Variants in OCA2 observed in about 807,000 individuals in gnomAD.
OCA2 encodes the protein P protein.
A neutral mutation model predicts 100.2 loss-of-function variants in OCA2; 77 were observed. The observed-to-expected ratio is 0.77, with a 90% CI of 0.64 to 0.93. The LOEUF (loss-of-function observed/expected upper bound fraction) is 0.93, where lower values mean the gene tolerates loss of function less well. Ranked by LOEUF, OCA2 falls within the 40% of genes least tolerant of loss-of-function variation. The pLI is 0.00. For synonymous variants in OCA2, 432 were observed against 439.2 expected (o/e 0.98, Z 0.21); for missense variants, 1,062 against 1,089.1 (o/e 0.98, Z 0.35).
At chr15:27,925,971 G>A (rs1032250665) in intron 19 of OCA2, among the ~76,000 whole-genome samples, 156 bp downstream of exon 19, 1 of 152,126 alleles carries the variant, frequency 6.6e-6, no homozygotes, top group African/African-American at 2.4e-5. Context: ...AGGTAAAGCT[G>A]GTTAACTTAA....
chr15:27,913,908 C>A (rs1272430017), intron 19 of OCA2, among the ~76,000 whole-genome samples: 20,256 of 53,830 alleles, frequency 0.38, 4,594 homozygotes, highest in Middle Eastern at 0.57. Context: ...AGCAAGCAAG[C>A]AAGCAAGCAA....
intron 1 of OCA2, among the ~76,000 whole-genome samples, chr15:28,097,593 A>C (rs1566890490): frequency 6.6e-6 from 1 of 152,080 alleles, no homozygotes; most frequent in Admixed American, 6.6e-5. Flanking sequence ...TACTCTCCCA[A>C]GAAACCTCAT....
intron 2 of OCA2, among the ~76,000 whole-genome samples, chr15:28,065,006 T>G (rs902711805): frequency 6.6e-6 from 1 of 152,192 alleles, no homozygotes; most frequent in African/African-American, 2.4e-5. Context: ...TTTTCATGTC[T>G]GTTTCCTAAC....
intron 2 of OCA2, among the ~76,000 whole-genome samples, chr15:28,074,709 C>T (rs542304057): frequency 2.9e-4 from 42 of 144,422 alleles, no homozygotes; most frequent in Non-Finnish European, 5.8e-4. Flanking sequence ...TAGCTGGGTG[C>T]AGTGGTGGGC....
At chr15:27,744,935 C>T in the OCA2 span, among the ~76,000 whole-genome samples, 1 of 120,564 alleles carries the variant, frequency 8.3e-6, no homozygotes, top group Non-Finnish European at 2.0e-5. Context: ...CAGAGCAGAC[C>T]CTTTGTAGCA....
chr15:27,796,782 G>C (rs1033041223), intron 23 of OCA2, among the ~76,000 whole-genome samples: 1 of 152,142 alleles, frequency 6.6e-6, no homozygotes, highest in South Asian at 2.1e-4. Flanking sequence ...AAAACTATAC[G>C]GAAAAATCTG....
rs374207135 is a variant in OCA2, at chr15:27,871,122, T to C, written c.2244+32A>G. Reference sequence around the variant, plus strand: ...GCCCCAGGCTATGTCCAGGCTAAAGTTGAGCCGTCGACATGGACATGTGCA... The same window carrying C: ...GCCCCAGGCTATGTCCAGGCTAAAGCTGAGCCGTCGACATGGACATGTGCA... On this transcript the variant is annotated intron_variant, in intron 21 of 23. Transcript: ENST00000354638. The C allele has an allele frequency of 1.7e-4, 261 of 1,525,222 alleles. 1 individual carries two copies. The South Asian group carries it at 2.2e-3, about 13-fold the overall frequency. The allele number at this position is 1,525,222 out of a possible 1,614,324, so 94.5% of individuals were successfully genotyped here. A position where few individuals can be genotyped will look rare whatever the true frequency, so the allele number is the denominator to read the frequency against.
At position 28,074,673 on chromosome 15, in the gene OCA2, C is replaced by CAAAAA. The variant is rs1172821817; in HGVS notation, c.227+6970_227+6974dup. ...TGGGCAACAGAGCGAGACTCCGTCT[C>CAAAAA]AAAAAAAAAAAAAAAAAAAAAAAAT... On this transcript the variant is annotated intron_variant, in intron 2 of 23. Transcript: ENST00000354638. Among the ~76,000 whole-genome samples, 68 of 66,932 alleles carry CAAAAA rather than the reference C, an allele frequency of 1.0e-3. 1 individual carries two copies. Among genetic ancestry groups the CAAAAA allele is most frequent in the Non-Finnish European group, 2.1e-3 (58 of 28,106 alleles). 43.9% of individuals were successfully genotyped at this position (66,932 alleles called of 152,430 possible).
intron 2 of OCA2, among the ~76,000 whole-genome samples, chr15:28,035,342 A>G (rs2043017510): frequency 6.6e-6 from 1 of 152,200 alleles, no homozygotes; most frequent in East Asian, 1.9e-4. Flanking sequence ...GGCCATTCCA[A>G]TTTAAACTTA....
chr15:27,962,835 T>C (rs2040449393), intron 15 of OCA2, among the ~76,000 whole-genome samples: 1 of 152,160 alleles, frequency 6.6e-6, no homozygotes, highest in Non-Finnish European at 1.5e-5. Flanking sequence ...ATATAAATGG[T>C]TTAAGAGACA....
chr15:27,832,521 C>A (rs1039355931), intron 23 of OCA2, among the ~76,000 whole-genome samples: 3 of 152,200 alleles, frequency 2.0e-5, no homozygotes, highest in African/African-American at 7.2e-5. Context: ...CTGGCTGTTT[C>A]TCCTCCTTGG....
At chr15:28,003,271 T>C (rs1298825406) in intron 9 of OCA2, among the ~76,000 whole-genome samples, 1 of 152,250 alleles carries the variant, frequency 6.6e-6, no homozygotes, top group Non-Finnish European at 1.5e-5. Context: ...TCCGCCAGCT[T>C]CGGAGAGTCA....
At chr15:27,758,494 C>G (rs2030568410) in intron 23 of OCA2, among the ~76,000 whole-genome samples, 1 of 152,160 alleles carries the variant, frequency 6.6e-6, no homozygotes, top group Non-Finnish European at 1.5e-5. Flanking sequence ...TGAGAAAAGC[C>G]AATCAACAGA....
chr15:28,072,422 T>G (rs1178106446), intron 2 of OCA2, among the ~76,000 whole-genome samples: 2 of 151,942 alleles, frequency 1.3e-5, no homozygotes, highest in African/African-American at 2.4e-5. Flanking sequence ...ACCCCATCTC[T>G]ACTAAAAATA....
intron 23 of OCA2, among the ~76,000 whole-genome samples, chr15:27,768,417 A>G (rs1290958212): frequency 2.6e-5 from 4 of 152,146 alleles, no homozygotes; most frequent in Admixed American, 1.3e-4. Flanking sequence ...GTTTAAAGAC[A>G]CTGTGTTCCC....
intron 23 of OCA2, among the ~76,000 whole-genome samples, chr15:27,838,041 G>C (rs1390429176): frequency 6.6e-6 from 1 of 152,116 alleles, no homozygotes; most frequent in Non-Finnish European, 1.5e-5. Context: ...CCCGTGCAAG[G>C]CTTTCCTAAT....
At chr15:28,093,379 C>G (rs2044904570) in intron 1 of OCA2, among the ~76,000 whole-genome samples, 1 of 150,436 alleles carries the variant, frequency 6.6e-6, no homozygotes, top group Non-Finnish European at 1.5e-5. Flanking sequence ...CCACTGCACT[C>G]CAGCCTGGGC....
At chr15:28,036,270 G>A (rs1006980211) in intron 2 of OCA2, among the ~76,000 whole-genome samples, 1 of 152,138 alleles carries the variant, frequency 6.6e-6, no homozygotes, top group African/African-American at 2.4e-5. Flanking sequence ...CTCTTTGTGT[G>A]TGCCTTTAAT....
At chr15:27,978,290 A>G (rs1236632648) in intron 14 of OCA2, among the ~76,000 whole-genome samples, 2 of 152,214 alleles carry the variant, frequency 1.3e-5, no homozygotes, top group Non-Finnish European at 2.9e-5. Flanking sequence ...GGCGTTTTCT[A>G]TAAATATCAA....
Sources: allele counts gnomAD v4.1 joint callset (sites outside exome capture counted in the v4.1 genomes callset), GRCh38; gene constraint gnomAD v4.1.1; transcripts MANE v1.5; gene names NCBI Gene and HGNC (gene_info 2026-07-23, HGNC 2026-07-21).